The following SDK1 variants were observed in gnomAD, a reference collection of about 807,000 sequenced individuals.
The protein encoded by SDK1 is sidekick cell adhesion molecule 1.
In SDK1, 157 loss-of-function variants were observed where a neutral mutation model predicts 245.5. That is an observed-to-expected ratio of 0.64 (90% confidence interval 0.56 to 0.73). The LOEUF (loss-of-function observed/expected upper bound fraction) is 0.73, where lower values mean the gene tolerates loss of function less well. Ranked by LOEUF, SDK1 falls within the 30% of genes least tolerant of loss-of-function variation. SDK1 has a pLI of 0.00. For missense variants in SDK1, 3,583 were observed against 3,002.3 expected (o/e 1.19, Z -4.52); for synonymous variants, 1,647 against 1,278.5 (o/e 1.29, Z -6.15).
chr7:3,667,790 A>G (rs189012902), intron 4 of SDK1, among the ~76,000 whole-genome samples: 6 of 152,184 alleles, frequency 3.9e-5, no homozygotes, highest in Admixed American at 3.3e-4. Flanking sequence ...GTTCTTCTTT[A>G]TTCATAAGTA....
intron 35 of SDK1, among the ~76,000 whole-genome samples, chr7:4,192,117 G>A (rs905453428): frequency 9.2e-5 from 14 of 152,192 alleles, no homozygotes; most frequent in East Asian, 3.9e-4. Context: ...AAGTGCAGGC[G>A]CATCACACTC....
At chr7:3,573,474 C>T (rs930245536) in intron 1 of SDK1, among the ~76,000 whole-genome samples, 14 of 107,812 alleles carry the variant, frequency 1.3e-4, no homozygotes, top group Admixed American at 2.4e-4. Context: ...TTTGGGGAGC[C>T]CCCATCACAG....
chr7:4,230,776 G>C (rs531849908), intron 40 of SDK1, among the ~76,000 whole-genome samples: 1 of 152,280 alleles, frequency 6.6e-6, no homozygotes, highest in Admixed American at 6.5e-5. Context: ...ATGTGATTTA[G>C]AAGCCCATTG....
chr7:3,641,635 G>C (rs1220836503), intron 3 of SDK1, among the ~76,000 whole-genome samples: 1 of 152,240 alleles, frequency 6.6e-6, no homozygotes, highest in East Asian at 1.9e-4. Flanking sequence ...ACTGCTTCAC[G>C]TGGCTCTAGG....
At chr7:4,182,095 A>G (rs1199731527) in intron 35 of SDK1, among the ~76,000 whole-genome samples, 1 of 151,926 alleles carries the variant, frequency 6.6e-6, no homozygotes, top group Admixed American at 6.5e-5. Flanking sequence ...AATTTTTTGT[A>G]CTTTTAGTAG....
intron 17 of SDK1, among the ~76,000 whole-genome samples, chr7:4,043,255 G>A (rs896901634): frequency 9.9e-5 from 15 of 151,850 alleles, no homozygotes; most frequent in Non-Finnish European, 1.6e-4. Flanking sequence ...GGTAGAGTGA[G>A]TGTCACAGCC....
chr7:3,984,237 G>A (rs1290315505), intron 13 of SDK1, among the ~76,000 whole-genome samples: 4 of 152,096 alleles, frequency 2.6e-5, no homozygotes, highest in Non-Finnish European at 2.9e-5. Context: ...TCCAGGGACT[G>A]TGAGAGCTGA....
intron 29 of SDK1, among the ~76,000 whole-genome samples, chr7:4,147,498 G>C (rs1304020287): frequency 6.6e-6 from 1 of 152,134 alleles, no homozygotes; most frequent in Non-Finnish European, 1.5e-5. Flanking sequence ...CAGCTCCTGG[G>C]CTCAAGCGAT....
At chr7:3,664,891 A>G (rs1226709856) in intron 4 of SDK1, among the ~76,000 whole-genome samples, 2 of 150,902 alleles carry the variant, frequency 1.3e-5, no homozygotes, top group Non-Finnish European at 2.9e-5. Context: ...TGTTACTTTC[A>G]TATCTTATTT....
At chr7:3,523,602 A>G (rs1048128484) in intron 1 of SDK1, among the ~76,000 whole-genome samples, 2 of 152,008 alleles carry the variant, frequency 1.3e-5, no homozygotes, top group African/African-American at 4.8e-5. Context: ...TGCGGTACTC[A>G]ATGTGCGCTG....
chr7:3,946,145 A>C (rs1780569744), intron 5 of SDK1, among the ~76,000 whole-genome samples: 1 of 151,932 alleles, frequency 6.6e-6, no homozygotes, highest in South Asian at 2.1e-4. Flanking sequence ...TACCTAGCAC[A>C]ATGTATAAAC....
Position 3,485,679 on chromosome 7 carries a change from G to A in SDK1, c.299-133401G>A, listed in dbSNP as rs571766261. On this transcript the variant is annotated intron_variant, in intron 1 of 44. Transcript: ENST00000404826. ...GTTTGTGCTGAGGGGATGATCTTTG[G>A]AGGGTTTTTTTTTTTTTTTTTTTTT... Among the ~76,000 whole-genome samples the A allele has an allele frequency of 3.8e-3, 149 of 39,492 alleles. 5 individuals carry two copies. The highest frequency in any genetic ancestry group is 0.013 in the African/African-American group (145 of 11,042). 25.9% of individuals were successfully genotyped at this position (39,492 alleles called of 152,430 possible).
At chr7:4,148,284 C>A (rs58980976) in intron 29 of SDK1, among the ~76,000 whole-genome samples, 1 of 152,182 alleles carries the variant, frequency 6.6e-6, no homozygotes, top group Non-Finnish European at 1.5e-5. Context: ...ACACACGCCA[C>A]GCATTCTAAT....
chr7:4,232,965 T>G (rs1413244847), intron 40 of SDK1: 1 of 283,172 alleles, frequency 3.5e-6, no homozygotes, highest in Non-Finnish European at 6.7e-6. Context: ...TACATATATT[T>G]ACTGTGGGGA....
intron 1 of SDK1, among the ~76,000 whole-genome samples, chr7:3,404,272 G>C (rs1270936203): frequency 6.6e-6 from 1 of 152,024 alleles, no homozygotes; most frequent in African/African-American, 2.4e-5. Flanking sequence ...AGTAAGACAA[G>C]GTGTGCCTAT....
At chr7:3,854,076 A>G (rs1583479376) in intron 5 of SDK1, among the ~76,000 whole-genome samples, 1 of 152,094 alleles carries the variant, frequency 6.6e-6, no homozygotes, top group South Asian at 2.1e-4. Flanking sequence ...TGCTTTACAC[A>G]TTTTTAAATT....
At chr7:3,511,708 A>G (rs1782585115) in intron 1 of SDK1, among the ~76,000 whole-genome samples, 1 of 152,144 alleles carries the variant, frequency 6.6e-6, no homozygotes, top group African/African-American at 2.4e-5. Flanking sequence ...GGACAGTTAA[A>G]GCATAAAAAG....
At chr7:4,055,241 G>T (rs1352162329) in intron 19 of SDK1, among the ~76,000 whole-genome samples, 1 of 152,162 alleles carries the variant, frequency 6.6e-6, no homozygotes, top group African/African-American at 2.4e-5. Context: ...TTCTTTCTAG[G>T]AATATTTTTA....
chr7:3,650,830 T>G (rs1396221416), intron 4 of SDK1, among the ~76,000 whole-genome samples: 1 of 151,920 alleles, frequency 6.6e-6, no homozygotes, highest in Non-Finnish European at 1.5e-5. Context: ...GATTGGTTTT[T>G]TTTTTTTTTT....
Sources: gnomAD v4.1 joint callset for allele counts (sites outside exome capture counted in the v4.1 genomes callset) on GRCh38, gnomAD v4.1.1 for gene constraint, MANE v1.5 for transcripts, NCBI Gene and HGNC (gene_info 2026-07-23, HGNC 2026-07-21) for gene names.